The following GREB1L variants were observed in gnomAD, a reference collection of about 807,000 sequenced individuals.
GREB1L encodes the protein GREB1 like retinoic acid receptor coactivator.
In GREB1L, 17 loss-of-function variants were observed where a neutral mutation model predicts 200.8. That is an observed-to-expected ratio of 0.08 (90% CI 0.06 to 0.13). The LOEUF is 0.13. GREB1L is among the 10% of genes least tolerant of loss of function. The pLI, the probability that GREB1L is intolerant of heterozygous loss-of-function variation, is 1.00. For synonymous variants in GREB1L, 789 were observed against 893.0 expected, an observed-to-expected ratio of 0.88 and a Z score of 2.08; for missense variants, 1,657 against 2,367.7, an observed-to-expected ratio of 0.70 and a Z score of 6.23.
At chr18:21,485,776 T>G (rs1428397894) in intron 18 of GREB1L, 23 bp downstream of exon 18, 1 of 1,548,536 alleles carries the variant, frequency 6.5e-7, no homozygotes. Flanking sequence ...TAAGGCCTTC[T>G]GCTCTTCTCT....
At chr18:21,494,320 T>G (rs2145887363) in intron 19 of GREB1L, among the ~76,000 whole-genome samples, 1 of 152,352 alleles carries the variant, frequency 6.6e-6, no homozygotes, top group African/African-American at 2.4e-5. Flanking sequence ...TGGTTAAGCT[T>G]CTTCCAGTTT....
chr18:21,504,239 A>C (rs563598832), intron 23 of GREB1L, among the ~76,000 whole-genome samples: 2 of 151,748 alleles, frequency 1.3e-5, no homozygotes, highest in Admixed American at 6.6e-5. Flanking sequence ...TGGCACTTTA[A>C]ATGTACCATC....
At chr18:21,309,339 TA>T (rs1288116358) in intron 1 of GREB1L, among the ~76,000 whole-genome samples, 1 of 152,298 alleles carries the variant, frequency 6.6e-6, no homozygotes, top group Non-Finnish European at 1.5e-5. Flanking sequence ...TCAGGCATGT[TA>T]AAAAAGATCT....
At chr18:21,442,420 T>C (rs772620375) in intron 10 of GREB1L, among the ~76,000 whole-genome samples, 1 of 152,234 alleles carries the variant, frequency 6.6e-6, no homozygotes, top group African/African-American at 2.4e-5. Flanking sequence ...CTGCTAATCC[T>C]AGATCTGTAG....
At chr18:21,333,658 A>G (rs2039140974) in intron 1 of GREB1L, among the ~76,000 whole-genome samples, 1 of 149,844 alleles carries the variant, frequency 6.7e-6, no homozygotes, top group African/African-American at 2.5e-5. Flanking sequence ...CTGGGGGACA[A>G]GAGTAAAACT....
chr18:21,272,359 G>A (rs1159973069), intron 1 of GREB1L, among the ~76,000 whole-genome samples: 6 of 152,168 alleles, frequency 3.9e-5, no homozygotes, highest in Non-Finnish European at 7.3e-5. Context: ...GGAAATGTTC[G>A]ACCTTGTCTC....
chr18:21,419,155 T>C (rs978013575), intron 7 of GREB1L, among the ~76,000 whole-genome samples: 5 of 152,192 alleles, frequency 3.3e-5, no homozygotes, highest in Non-Finnish European at 7.3e-5. Flanking sequence ...CCTATGTGTA[T>C]AGTGGGCTAT....
chr18:21,409,941 T>C (rs1286818717), intron 7 of GREB1L, among the ~76,000 whole-genome samples: 1 of 152,196 alleles, frequency 6.6e-6, no homozygotes, highest in Non-Finnish European at 1.5e-5. Context: ...CTAGAAGCTT[T>C]ATGTTCTTTT....
intron 1 of GREB1L, among the ~76,000 whole-genome samples, chr18:21,260,078 T>C (rs2037865754): frequency 6.6e-6 from 1 of 151,994 alleles, no homozygotes; most frequent in Non-Finnish European, 1.5e-5. Flanking sequence ...TTGTACACGA[T>C]TAATTAGTAC....
chr18:21,505,759 T>C lies in GREB1L; in HGVS notation c.4229-51T>C, dbSNP rs2036986306. The C allele has an allele frequency of 2.0e-6, 3 of 1,509,220 alleles. No individual in the cohort carries two copies. In the East Asian group the frequency reaches 7.4e-5, roughly 37 times the overall value. 93.5% of individuals were successfully genotyped at this position (1,509,220 alleles called of 1,614,324 possible). A position where few individuals can be genotyped will look rare whatever the true frequency, so the allele number is the denominator to read the frequency against. ...AAAGAGGGACTTTTCTTTCCAGGCATAGGGAAAACATGTTATCTCATGGGA... is the reference window on the plus strand; with the variant it reads ...AAAGAGGGACTTTTCTTTCCAGGCACAGGGAAAACATGTTATCTCATGGGA... On this transcript the variant is annotated intron_variant, in intron 24 of 32. Transcript: ENST00000424526.
At chr18:21,296,067 C>T (rs948741490) in intron 1 of GREB1L, among the ~76,000 whole-genome samples, 1 of 152,172 alleles carries the variant, frequency 6.6e-6, no homozygotes, top group East Asian at 1.9e-4. Flanking sequence ...CTAGGAATCC[C>T]ATTACTGAGT....
In GREB1L at chr18:21,444,256, G is replaced by A. The variant is rs2034082548; in HGVS notation, c.1240G>A (p.Val414Ile). The change falls in exon 11 of 33, where the codon GTT (valine) becomes ATT (isoleucine). Residue 414 changes from valine (V) to isoleucine (I), a missense_variant. Around this residue, in one of 9 missense-constraint regions of GREB1L, gnomAD observed 289 missense variants for 345.1 expected, o/e 0.84. Coordinates refer to ENST00000424526, the MANE Select transcript of GREB1L (RefSeq NM_001142966.3). ...YGTLPYFYGN[V>I]GDIVVSPLLV... Reference sequence around the variant, plus strand: ...CACTTTACCCTATTTCTATGGAAATGTTGGTGACATTGTTGTGAGTCCTCT... The same window carrying A: ...CACTTTACCCTATTTCTATGGAAATATTGGTGACATTGTTGTGAGTCCTCT... 1 of 1,551,510 alleles carries A rather than the reference G, an allele frequency of 6.4e-7. No individual in the cohort carries two copies. Among genetic ancestry groups the A allele is most frequent in the African/African-American group, 1.4e-5 (1 of 73,056 alleles).
chr18:21,434,705 G>T (rs2033428260), intron 7 of GREB1L, among the ~76,000 whole-genome samples: 1 of 151,738 alleles, frequency 6.6e-6, no homozygotes, highest in Non-Finnish European at 1.5e-5. Context: ...CGAATTAACT[G>T]AATTAATATA....
At chr18:21,302,008 G>C (rs956842153) in intron 1 of GREB1L, among the ~76,000 whole-genome samples, 1 of 152,172 alleles carries the variant, frequency 6.6e-6, no homozygotes, top group Non-Finnish European at 1.5e-5. Context: ...TAGATACCCT[G>C]GTAGACATAC....
intron 7 of GREB1L, among the ~76,000 whole-genome samples, chr18:21,405,692 C>T (rs10084015): frequency 0.54 from 82,773 of 151,976 alleles, 24,606 homozygotes; most frequent in African/African-American, 0.8. Context: ...TTCTAGCTAT[C>T]TGGGAGGCTG....
chr18:21,326,712 T>A (rs987661835), intron 1 of GREB1L, among the ~76,000 whole-genome samples: 1 of 152,234 alleles, frequency 6.6e-6, no homozygotes, highest in African/African-American at 2.4e-5. Flanking sequence ...AACAATAACA[T>A]GAGAATAAGA....
chr18:21,498,101 C>T (rs1221078634), intron 21 of GREB1L, among the ~76,000 whole-genome samples: 4 of 152,088 alleles, frequency 2.6e-5, no homozygotes, highest in East Asian at 1.9e-4. Flanking sequence ...GGATTACAGA[C>T]GTGAGCCACC....
In GREB1L at chr18:21,490,014, A is replaced by G. The variant is rs1436733779; in HGVS notation, c.2693A>G (p.Tyr898Cys). The G allele has an allele frequency of 9.0e-6, 14 of 1,549,624 alleles. 1 individual carries two copies. The highest frequency in any genetic ancestry group is 1.2e-5 in the Non-Finnish European group (14 of 1,145,966). ...EKMVNTLLER[Y>C]PRLHSMVVRC... ...TAGTGCCTTGTTTTCTGTTGAAGGTACCCCAGGCTGCACAGCATGGTCGTC... is the reference window on the plus strand; with the variant it reads ...TAGTGCCTTGTTTTCTGTTGAAGGTGCCCCAGGCTGCACAGCATGGTCGTC... Residue 898 changes from tyrosine (Y) to cysteine (C), a missense_variant and splice_region_variant, in exon 19 of 33, where the codon TAC (tyrosine) becomes TGC (cysteine). By Grantham distance (194) the Tyr-to-Cys change is radical. Coordinates refer to ENST00000424526, the MANE Select transcript of GREB1L (RefSeq NM_001142966.3).
intron 1 of GREB1L, among the ~76,000 whole-genome samples, chr18:21,281,572 C>T (rs2038270416): frequency 6.6e-6 from 1 of 152,132 alleles, no homozygotes; most frequent in African/African-American, 2.4e-5. Flanking sequence ...CTAAAAACGT[C>T]AGAAAAATAT....
Sources: gnomAD v4.1 joint callset for allele counts (sites outside exome capture counted in the v4.1 genomes callset) on GRCh38, gnomAD v4.1.1 for gene constraint, gnomAD v4.1.1 regional missense constraint, MANE v1.5 for transcripts, NCBI Gene and HGNC (gene_info 2026-07-23, HGNC 2026-07-21) for gene names.